The following TTC21B variants were observed in gnomAD, a reference collection of about 807,000 sequenced individuals.
TTC21B encodes tetratricopeptide repeat protein 21B.
TTC21B carries 127 observed loss-of-function variants against 175.1 expected under a neutral mutation model. That is an observed-to-expected ratio of 0.73 (90% CI 0.63 to 0.84). The LOEUF is 0.84. Ranked by LOEUF, TTC21B falls within the 40% of genes least tolerant of loss-of-function variation. TTC21B has a pLI of 0.00. For missense variants in TTC21B, 1,561 were observed against 1,558.3 expected (o/e 1.00, Z -0.03); for synonymous variants, 524 against 524.5 (o/e 1.00, Z 0.01).
chr2:165,929,833 C>G (rs756299939), intron 9 of TTC21B, 86 bp from the exon 10 acceptor site: 1 of 882,712 alleles, frequency 1.1e-6, no homozygotes, highest in Admixed American at 1.8e-5. Context: ...ATTAATAAAA[C>G]ACCCTTTCCC....
At position 165,898,659 on chromosome 2, in the gene TTC21B, C is replaced by A. The variant is rs778647832; in HGVS notation, c.2950+27G>T. 53 of 1,515,414 alleles carry A rather than the reference C, an allele frequency of 3.5e-5. 1 individual carries two copies. The highest frequency in any genetic ancestry group is 4.5e-5 in the South Asian group (4 of 89,114). 93.9% of individuals were successfully genotyped at this position (1,515,414 alleles called of 1,614,324 possible). A position where few individuals can be genotyped will look rare whatever the true frequency, so the allele number is the denominator to read the frequency against. ...GGAGAAAGGGAGGGGTGACTGCACT[C>A]AAAAAATACAATAAGTAGGTATTTA... On this transcript the variant is annotated intron_variant, in intron 22 of 28. Coordinates refer to ENST00000243344, the MANE Select transcript of TTC21B (RefSeq NM_024753.5).
chr2:165,903,018 C>T (rs1004014108), intron 19 of TTC21B, among the ~76,000 whole-genome samples: 5 of 152,142 alleles, frequency 3.3e-5, no homozygotes, highest in Admixed American at 2.6e-4. Context: ...AGAGATGTCC[C>T]ATCACTTATG....
In TTC21B at chr2:165,913,610, A is replaced by G. The variant is rs10176588; in HGVS notation, c.2175T>C (p.Phe725=). The change falls in exon 16 of 29, where the codon TTT becomes TTC. Residue 725 remains phenylalanine (F), a synonymous_variant. Coordinates refer to ENST00000243344, the MANE Select transcript of TTC21B (RefSeq NM_024753.5). ...IAERMANPRS[F]LLLGDAYMNI... is the part of the protein sequence containing the mutation. ...TCATGTATGCATCACCAAGGAGAAGAAAAGACCGAGGGTTAGCCATTCTTT... is the reference window on the plus strand; with the variant it reads ...TCATGTATGCATCACCAAGGAGAAGGAAAGACCGAGGGTTAGCCATTCTTT... 590,623 of 1,609,282 alleles carry G rather than the reference A, an allele frequency of 0.37. 111,554 individuals carry two copies. The highest frequency in any genetic ancestry group is 0.39 in the Non-Finnish European group (459,399 of 1,176,088).
chr2:165,896,956 G>A (rs988487383), intron 22 of TTC21B, among the ~76,000 whole-genome samples: 4 of 152,080 alleles, frequency 2.6e-5, no homozygotes, highest in Non-Finnish European at 4.4e-5. Flanking sequence ...GCCCAGCTCT[G>A]CACCCACCTT....
intron 1 of TTC21B, among the ~76,000 whole-genome samples, chr2:165,952,750 T>C (rs6728363): frequency 0.99 from 150,292 of 152,326 alleles, 74,179 homozygotes; most frequent in East Asian, 1. Context: ...ACCTCCTACA[T>C]CGCCAAATTG....
intron 18 of TTC21B, 37 bp from the exon 19 acceptor site, chr2:165,907,821 A>C: frequency 7.3e-7 from 1 of 1,368,398 alleles, no homozygotes; most frequent in Non-Finnish European, 1.0e-6. Context: ...AAAATTATTC[A>C]TCTTAAATAA....
intron 25 of TTC21B, among the ~76,000 whole-genome samples, chr2:165,887,332 A>G (rs1574067904): frequency 6.6e-6 from 1 of 152,312 alleles, no homozygotes; most frequent in East Asian, 1.9e-4. Context: ...AGTAACTATT[A>G]CCAACTGCTG....
intron 19 of TTC21B, among the ~76,000 whole-genome samples, chr2:165,904,635 C>G (rs1199765839): frequency 6.6e-6 from 1 of 152,352 alleles, no homozygotes; most frequent in South Asian, 2.1e-4. Context: ...CCACTTCAAA[C>G]TCTTCTAGTA....
intron 18 of TTC21B, 26 bp from the exon 19 acceptor site, chr2:165,907,810 A>G (rs1240114637): frequency 6.9e-7 from 1 of 1,439,192 alleles, no homozygotes; most frequent in African/African-American, 1.4e-5. Context: ...ATGTAATGCA[A>G]AAAATTATTC....
At chr2:165,930,479 G>T in intron 8 of TTC21B, 115 bp from the exon 9 acceptor site, 2 of 681,328 alleles carry the variant, frequency 2.9e-6, no homozygotes, top group South Asian at 3.2e-5. Flanking sequence ...TGATGAAAAA[G>T]AAAAAAATTA....
chr2:165,931,380 C>T (rs948302356), intron 8 of TTC21B, among the ~76,000 whole-genome samples: 7 of 152,188 alleles, frequency 4.6e-5, no homozygotes, highest in African/African-American at 1.7e-4. Flanking sequence ...AAGATACCAA[C>T]CATTCCCTCC....
At chr2:165,913,854 C>A (rs1686048006) in intron 15 of TTC21B, among the ~76,000 whole-genome samples, 1 of 152,144 alleles carries the variant, frequency 6.6e-6, no homozygotes, top group Non-Finnish European at 1.5e-5. Context: ...GTCACTGAAT[C>A]TTTCCATTTT....
rs1352312059 is a variant in TTC21B, at chr2:165,917,351, G to C, written c.1805C>G (p.Thr602Arg). The change falls in exon 14 of 29, where the codon ACA (threonine) becomes AGA (arginine). Residue 602 changes from threonine to arginine, a missense_variant. Transcript: ENST00000243344. ...TTCAGTTTTTCTGTCTTTTGATTTT[G>C]TGGAAGCTCCAATTCTTTTCATTCC... The part of the protein sequence containing the change: ...LPGMKRIGAS[T>R]KSKDRKTEVD... 1 of 1,614,148 alleles carries C rather than the reference G, an allele frequency of 6.2e-7. No individual in the cohort carries two copies. The highest frequency in any genetic ancestry group is 8.5e-7 in the Non-Finnish European group (1 of 1,180,024).
intron 15 of TTC21B, among the ~76,000 whole-genome samples, chr2:165,914,657 C>CTGTGTGTGTGTGTGTGTGTGTG (rs551411661): frequency 0.025 from 2,933 of 118,028 alleles, 84 homozygotes; most frequent in East Asian, 0.046. Context: ...GAAGAGCAAT[C>CTGTGTGTGTGTGTGTGTGTGTG]TGTGTGTGTG....
intron 1 of TTC21B, among the ~76,000 whole-genome samples, chr2:165,950,498 A>T (rs1012607943): frequency 6.6e-6 from 1 of 152,224 alleles, no homozygotes; most frequent in Non-Finnish European, 1.5e-5. Context: ...TTCACCAGAA[A>T]GCAGTTTGGG....
chr2:165,899,997 AGT>A, intron 20 of TTC21B, 117 bp from the exon 21 acceptor site: 3 of 411,780 alleles, frequency 7.3e-6, no homozygotes, highest in East Asian at 7.2e-5. Context: ...TAAAATGCCA[AGT>A]ATAATAGACA....
At chr2:165,928,148 A>C (rs1686744636) in intron 11 of TTC21B, among the ~76,000 whole-genome samples, 1 of 152,202 alleles carries the variant, frequency 6.6e-6, no homozygotes, top group Non-Finnish European at 1.5e-5. Flanking sequence ...TAGTTATCTC[A>C]GAGCTAGATA....
In TTC21B at chr2:165,898,733, T is replaced by C. The variant is rs574803644; in HGVS notation, c.2903A>G (p.Tyr968Cys). The change falls in exon 22 of 29, where the codon TAT becomes TGT. Residue 968 changes from tyrosine (Y) to cysteine (C), a missense_variant. Coordinates refer to ENST00000243344, the MANE Select transcript of TTC21B (RefSeq NM_024753.5). ...MADLMFRKQD[Y>C]EQAVFHLQQL... ...CTGTAAATGAAACACTGCTTGTTCATAGTCTTGTTTTCTGAACATGAGATC... is the reference window on the plus strand; with the variant it reads ...CTGTAAATGAAACACTGCTTGTTCACAGTCTTGTTTTCTGAACATGAGATC... 33 of 1,613,518 alleles carry C rather than the reference T, an allele frequency of 2.0e-5. No homozygotes were observed. The highest frequency in any genetic ancestry group is 2.6e-5 in the Non-Finnish European group (31 of 1,179,554).
intron 10 of TTC21B, 83 bp from the exon 11 acceptor site, chr2:165,929,418 G>C: frequency 8.8e-7 from 1 of 1,131,636 alleles, no homozygotes. Flanking sequence ...TGCATATAAT[G>C]TGCTACTGAT....
Sources: allele counts gnomAD v4.1 joint callset (sites outside exome capture counted in the v4.1 genomes callset), GRCh38; gene constraint gnomAD v4.1.1; transcripts MANE v1.5; gene names NCBI Gene and HGNC (gene_info 2026-07-23, HGNC 2026-07-21).